Variants in FBXL17 observed in about 807,000 individuals in gnomAD.
The protein encoded by FBXL17 is F-box and leucine rich repeat protein 17, also known as F-box/LRR-repeat protein 17.
In FBXL17, 22 loss-of-function variants were observed where a neutral mutation model predicts 66.2. The observed-to-expected ratio is 0.33, with a 90% CI of 0.24 to 0.47. FBXL17 has a LOEUF of 0.47. Among genes scored for constraint, FBXL17 ranks in the 20% least tolerant of loss-of-function variants. The probability of loss-of-function intolerance (pLI) is 1.00; values close to 1 mark genes in which losing one functional copy is unlikely to be tolerated. For synonymous variants in FBXL17, 474 were observed against 400.5 expected, an observed-to-expected ratio of 1.18 and a Z score of -2.19; for missense variants, 878 against 948.2, an observed-to-expected ratio of 0.93 and a Z score of 0.97.
At chr5:108,300,327 A>C (rs1446995703) in intron 4 of FBXL17, among the ~76,000 whole-genome samples, 1 of 150,446 alleles carries the variant, frequency 6.6e-6, no homozygotes, top group Non-Finnish European at 1.5e-5. Context: ...AGAGACACTC[A>C]AACTTTTTCT....
intron 7 of FBXL17, among the ~76,000 whole-genome samples, chr5:107,885,589 T>G (rs1748939585): frequency 6.6e-6 from 1 of 152,146 alleles, no homozygotes; most frequent in Admixed American, 6.6e-5. Flanking sequence ...TCTAAAAATA[T>G]GAATAAGGAA....
intron 2 of FBXL17, among the ~76,000 whole-genome samples, chr5:108,367,062 A>G (rs1748713877): frequency 6.6e-6 from 1 of 152,110 alleles, no homozygotes; most frequent in Non-Finnish European, 1.5e-5. Context: ...TTTTTTAAAG[A>G]CAGTTGCTAA....
chr5:108,339,833 T>C (rs1746757334), intron 4 of FBXL17, among the ~76,000 whole-genome samples: 2 of 152,162 alleles, frequency 1.3e-5, no homozygotes, highest in African/African-American at 4.8e-5. Flanking sequence ...TAAGCTAGCT[T>C]CCTCCTGAGA....
intron 5 of FBXL17, among the ~76,000 whole-genome samples, chr5:108,222,790 C>T (rs1456045249): frequency 6.6e-6 from 1 of 150,444 alleles, no homozygotes. Context: ...TCTCCCATCT[C>T]AGCCTCCCAA....
rs533903934 is a variant in FBXL17 at position 107,861,602 on chromosome 5, T to C, written c.*118A>G. 5.3e-6 allele frequency: 5 copies of C among 942,506 alleles called. No individual in the cohort carries two copies. Among genetic ancestry groups the C allele is most frequent in the African/African-American group, 1.7e-5 (1 of 59,218 alleles). The allele number at this position is 942,506 out of a possible 1,614,324, so 58.4% of individuals were successfully genotyped here. ...TATGCAAACAAGACACAAATACACA[T>C]ACTTGAACACACACAGACAGGTGAC... is the stretch of plus-strand genomic sequence containing the variant. On this transcript the variant is annotated 3_prime_UTR_variant, in exon 9 of 9. Transcript: ENST00000542267.
Position 108,232,667 on chromosome 5 carries a change from T to C in FBXL17, c.1507-8439A>G, listed in dbSNP as rs144855547. Reference sequence around the variant, plus strand: ...CTGGATGCTACCTACCCTCAAACATTGGACTCCAAGTTCTTCAGTTTTGAG... The same window carrying C: ...CTGGATGCTACCTACCCTCAAACATCGGACTCCAAGTTCTTCAGTTTTGAG... On this transcript the variant is annotated intron_variant, in intron 4 of 8. Transcript: ENST00000542267. Among the ~76,000 whole-genome samples, 71 of 150,690 alleles carry C rather than the reference T, an allele frequency of 4.7e-4. No individual in the cohort carries two copies. The East Asian group carries it at 0.013, about 28-fold the overall frequency.
At chr5:107,949,041 C>T (rs1282865800) in intron 7 of FBXL17, among the ~76,000 whole-genome samples, 1 of 152,062 alleles carries the variant, frequency 6.6e-6, no homozygotes, top group Non-Finnish European at 1.5e-5. Flanking sequence ...TGAAGTCTTG[C>T]ACTTGGGGTC....
At chr5:107,990,143 A>G (rs1753183482) in intron 7 of FBXL17, among the ~76,000 whole-genome samples, 1 of 152,202 alleles carries the variant, frequency 6.6e-6, no homozygotes, top group Non-Finnish European at 1.5e-5. Flanking sequence ...CTCCTATGAC[A>G]GGAAACTAGT....
chr5:108,166,806 C>A (rs1305961667), intron 6 of FBXL17, among the ~76,000 whole-genome samples: 2 of 152,132 alleles, frequency 1.3e-5, no homozygotes, highest in African/African-American at 4.8e-5. Flanking sequence ...TTTTCAGTCA[C>A]TAGATCATTT....
At chr5:107,971,108 T>C (rs773521481) in intron 7 of FBXL17, among the ~76,000 whole-genome samples, 18 of 152,182 alleles carry the variant, frequency 1.2e-4, no homozygotes, top group Non-Finnish European at 1.9e-4. Context: ...AGGGAACAAT[T>C]TGAGCATAAT....
chr5:107,871,069 A>C (rs377565723), intron 8 of FBXL17, among the ~76,000 whole-genome samples: 27 of 130,208 alleles, frequency 2.1e-4, no homozygotes, highest in African/African-American at 3.2e-4. Context: ...AAAAAAAAAA[A>C]AAAAAAAAAA....
At chr5:107,965,398 TCTC>T (rs1477953958) in intron 7 of FBXL17, among the ~76,000 whole-genome samples, 3 of 152,144 alleles carry the variant, frequency 2.0e-5, no homozygotes, top group Non-Finnish European at 2.9e-5. Flanking sequence ...ATTGCAGAAT[TCTC>T]CTGAAAAATA....
chr5:108,350,654 T>C (rs984853626), intron 3 of FBXL17, among the ~76,000 whole-genome samples: 1 of 152,110 alleles, frequency 6.6e-6, no homozygotes, highest in African/African-American at 2.4e-5. Context: ...TTAACAAAAC[T>C]AAAAGAAAGC....
intron 7 of FBXL17, among the ~76,000 whole-genome samples, chr5:107,992,218 C>T (rs999591422): frequency 6.6e-6 from 1 of 151,986 alleles, no homozygotes; most frequent in Non-Finnish European, 1.5e-5. Context: ...AACTGCCTCT[C>T]TTTACAGAGT....
At chr5:108,356,777 T>C (rs1437396858) in intron 3 of FBXL17, among the ~76,000 whole-genome samples, 2 of 152,038 alleles carry the variant, frequency 1.3e-5, no homozygotes, top group East Asian at 1.9e-4. Flanking sequence ...TCTAAACTCA[T>C]AGAATGTACA....
At chr5:108,188,601 A>C (rs991427039) in intron 5 of FBXL17, among the ~76,000 whole-genome samples, 1 of 152,194 alleles carries the variant, frequency 6.6e-6, no homozygotes, top group East Asian at 1.9e-4. Context: ...TGGCAACCAA[A>C]GCACACAGGA....
intron 6 of FBXL17, among the ~76,000 whole-genome samples, chr5:108,083,394 A>G (rs145707049): frequency 1.3e-5 from 2 of 152,246 alleles, no homozygotes; most frequent in East Asian, 1.9e-4. Context: ...GAAACAAAGC[A>G]TCCATCCCAG....
At chr5:108,272,896 T>C (rs1757333395) in intron 4 of FBXL17, among the ~76,000 whole-genome samples, 1 of 152,194 alleles carries the variant, frequency 6.6e-6, no homozygotes, top group African/African-American at 2.4e-5. Flanking sequence ...TTAATAACTA[T>C]CAGCGAACCT....
chr5:107,878,240 T>C (rs1748672687), intron 8 of FBXL17: 6 of 964,658 alleles, frequency 6.2e-6, no homozygotes, highest in Non-Finnish European at 6.2e-6. Context: ...AATTTATTTT[T>C]TTCCTTTCTT....
Sources: gnomAD v4.1 joint callset for allele counts (sites outside exome capture counted in the v4.1 genomes callset) on GRCh38, gnomAD v4.1.1 for gene constraint, MANE v1.5 for transcripts, NCBI Gene and HGNC (gene_info 2026-07-23, HGNC 2026-07-21) for gene names.